Variants in WDFY2 observed in about 807,000 individuals in gnomAD.
WDFY2 encodes WD repeat and FYVE domain containing 2.
Under a neutral mutation model 56.4 loss-of-function variants are expected in WDFY2, and 36 were observed. That is an observed-to-expected ratio of 0.64 (90% CI 0.49 to 0.84). The LOEUF is 0.84. WDFY2 is among the 40% of genes least tolerant of loss of function. The pLI is 0.00. For synonymous variants in WDFY2, 176 were observed against 183.7 expected (o/e 0.96, Z 0.34); for missense variants, 444 against 512.2 (o/e 0.87, Z 1.29).
chr13:51,698,109 T>A (rs1951913662), intron 3 of WDFY2, among the ~76,000 whole-genome samples: 4 of 152,204 alleles, frequency 2.6e-5, no homozygotes, highest in Non-Finnish European at 5.9e-5. Context: ...AACAAGTATG[T>A]GTTTTAGCTC....
intron 1 of WDFY2, among the ~76,000 whole-genome samples, chr13:51,610,053 A>C (rs1426951384): frequency 6.6e-6 from 1 of 152,310 alleles, no homozygotes; most frequent in South Asian, 2.1e-4. Flanking sequence ...GAAAAAGGCA[A>C]GAATGAGCTC....
chr13:51,726,469 G>A (rs1218482930), intron 5 of WDFY2, among the ~76,000 whole-genome samples: 5 of 152,192 alleles, frequency 3.3e-5, no homozygotes, highest in African/African-American at 1.2e-4. Context: ...TTTAGAAATA[G>A]GGTTGCTAGG....
chr13:51,633,191 G>C (rs1486586456), intron 1 of WDFY2, among the ~76,000 whole-genome samples: 1 of 152,224 alleles, frequency 6.6e-6, no homozygotes, highest in Non-Finnish European at 1.5e-5. Flanking sequence ...ACTCCAACCA[G>C]CATGGCTGCT....
At chr13:51,648,105 T>C (rs566303385) in intron 1 of WDFY2, among the ~76,000 whole-genome samples, 42 of 152,278 alleles carry the variant, frequency 2.8e-4, no homozygotes, top group Middle Eastern at 6.8e-3. Context: ...TGGTTAAGGT[T>C]GTAACTGAGG....
At chr13:51,652,897 C>T (rs1363494407) in intron 1 of WDFY2, among the ~76,000 whole-genome samples, 5 of 152,136 alleles carry the variant, frequency 3.3e-5, no homozygotes, top group Admixed American at 6.5e-5. Flanking sequence ...AGTTGCTCGT[C>T]TCGAGGAGTA....
Position 51,719,341 on chromosome 13 carries a change from G to A in WDFY2, c.478G>A (p.Gly160Ser), listed in dbSNP as rs1369259605. 2 of 1,582,106 alleles carry A rather than the reference G, an allele frequency of 1.3e-6. No homozygotes were observed. The highest frequency in any genetic ancestry group is 1.4e-5 in the African/African-American group (1 of 73,388). Residue 160 changes from glycine (G) to serine (S), a missense_variant, in exon 5 of 12, where the codon GGC (glycine) becomes AGC (serine). By Grantham distance (56) the Gly-to-Ser change is moderately conservative. Transcript: ENST00000298125. ...GGYRTSAVAS[G>S]LQFDVETRHV... The stretch of plus-strand genomic sequence containing the variant: ...TTATCGGACCAGTGCTGTGGCCTCA[G>A]GCCTGCAGTATCCTTTGCTGGACAA...
intron 1 of WDFY2, among the ~76,000 whole-genome samples, chr13:51,596,496 T>G (rs1329775429): frequency 6.6e-6 from 1 of 152,248 alleles, no homozygotes; most frequent in Non-Finnish European, 1.5e-5. Flanking sequence ...TCCTAAAAGG[T>G]TCTGTCAACC....
intron 9 of WDFY2, 39 bp from the exon 10 acceptor site, chr13:51,756,293 G>A: frequency 1.3e-6 from 2 of 1,584,822 alleles, no homozygotes; most frequent in Non-Finnish European, 1.7e-6. Flanking sequence ...AGGAGCTGAG[G>A]GAGCCGTGAT....
chr13:51,592,166 A>G (rs1040955704), intron 1 of WDFY2: 4 of 152,152 alleles, frequency 2.6e-5, no homozygotes, highest in African/African-American at 9.7e-5. Flanking sequence ...AAAAGAAAAA[A>G]ATTAGGAATG....
chr13:51,651,281 T>C lies in WDFY2; in HGVS notation c.138-9315T>C, dbSNP rs530673892. ...TGATATCCCCTTTATCATTTTTTAT[T>C]GCGTCTGTTTGATTCTTCTCTCTTT... On this transcript the variant is annotated intron_variant, in intron 1 of 11. Transcript: ENST00000298125. Among the ~76,000 whole-genome samples, 3 of 152,364 alleles carry C rather than the reference T, an allele frequency of 2.0e-5. No homozygotes were observed. The East Asian group carries it at 5.8e-4, about 29-fold the overall frequency.
intron 5 of WDFY2, among the ~76,000 whole-genome samples, chr13:51,725,340 C>T (rs1952580977): frequency 6.6e-6 from 1 of 152,126 alleles, no homozygotes; most frequent in African/African-American, 2.4e-5. Context: ...CGAGACTTCC[C>T]CCTTGTCATA....
At chr13:51,701,743 G>T (rs530153466) in intron 3 of WDFY2, among the ~76,000 whole-genome samples, 1 of 151,946 alleles carries the variant, frequency 6.6e-6, no homozygotes, top group African/African-American at 2.4e-5. Context: ...AGGAATTGAG[G>T]TATCTTTTGA....
chr13:51,715,440 A>T (rs1952322993), intron 4 of WDFY2, among the ~76,000 whole-genome samples: 1 of 152,080 alleles, frequency 6.6e-6, no homozygotes, highest in African/African-American at 2.4e-5. Flanking sequence ...AGGCCTACTT[A>T]GGGTCAGGAT....
chr13:51,755,985 T>A (rs2138739750), intron 9 of WDFY2, among the ~76,000 whole-genome samples: 1 of 152,042 alleles, frequency 6.6e-6, no homozygotes, highest in South Asian at 2.1e-4. Context: ...TCCAGCAGCA[T>A]AATCTCCTGA....
chr13:51,728,877 G>A (rs534177891), intron 6 of WDFY2, among the ~76,000 whole-genome samples: 11 of 152,222 alleles, frequency 7.2e-5, no homozygotes, highest in East Asian at 3.9e-4. Flanking sequence ...TTCTGGGGGG[G>A]ACCCAGAACT....
At chr13:51,657,903 G>GTA (rs1322168456) in intron 1 of WDFY2, among the ~76,000 whole-genome samples, 2 of 152,148 alleles carry the variant, frequency 1.3e-5, no homozygotes, top group East Asian at 3.9e-4. Context: ...TAAAGTCTTG[G>GTA]TATAGTAAGC....
chr13:51,683,501 G>GGT (rs1027668511), intron 3 of WDFY2, among the ~76,000 whole-genome samples: 2 of 152,194 alleles, frequency 1.3e-5, no homozygotes, highest in Non-Finnish European at 2.9e-5. Context: ...CAGATGGGCT[G>GGT]GTGTGTGGCA....
intron 1 of WDFY2, among the ~76,000 whole-genome samples, chr13:51,659,526 G>A (rs557832487): frequency 6.6e-6 from 1 of 152,288 alleles, no homozygotes; most frequent in East Asian, 1.9e-4. Flanking sequence ...TCCTACTTGT[G>A]TTTGCCTTGC....
At position 51,760,088 on chromosome 13, in the gene WDFY2, C is replaced by T. The variant is rs1378773209; in HGVS notation, c.*319C>T. 4.0e-6 allele frequency: 1 copy of T among 248,074 alleles called. No homozygotes were observed. The highest frequency in any genetic ancestry group is 7.7e-6 in the Non-Finnish European group (1 of 129,978). The allele number at this position is 248,074 out of a possible 1,614,324, so 15.4% of individuals were successfully genotyped here. On this transcript the variant is annotated 3_prime_UTR_variant, in exon 12 of 12. Transcript: ENST00000298125. ...TTAATTTTTATACTTTTCAACACCC[C>T]ATTTTACTTGTTGCTTTGTCAGAGA...
Sources: allele counts gnomAD v4.1 joint callset (sites outside exome capture counted in the v4.1 genomes callset), GRCh38; gene constraint gnomAD v4.1.1; transcripts MANE v1.5; gene names NCBI Gene and HGNC (gene_info 2026-07-23, HGNC 2026-07-21).